RNF121: variants seen among roughly 807,000 people sequenced by gnomAD.
RNF121 encodes the protein ring finger protein 121, also known as E3 ubiquitin ligase RNF121.
RNF121 carries 21 observed loss-of-function variants against 46.5 expected under a neutral mutation model. That is an observed-to-expected ratio of 0.45 (90% CI 0.32 to 0.65). The LOEUF is 0.65. RNF121 is among the 30% of genes least tolerant of loss of function. The pLI is 0.04. For missense variants in RNF121, 346 were observed against 416.0 expected, an observed-to-expected ratio of 0.83 and a Z score of 1.46; for synonymous variants, 139 against 144.7, an observed-to-expected ratio of 0.96 and a Z score of 0.28.
chr11:71,939,966 G>A lies in RNF121; in HGVS notation c.63+10842G>A, dbSNP rs1035272260. 2.0e-5 allele frequency among the ~76,000 whole-genome samples: 3 copies of A among 152,322 alleles called. No individual in the cohort carries two copies. The South Asian group carries it at 6.2e-4, about 32-fold the overall frequency. Reference sequence around the variant, plus strand: ...AAATTACGTACAAGATGCCACAAGTGTACAGAAGAAGGAGTGCTTAAGTCT... The same window carrying A: ...AAATTACGTACAAGATGCCACAAGTATACAGAAGAAGGAGTGCTTAAGTCT... On this transcript the variant is annotated intron_variant, in intron 1 of 8. Coordinates refer to ENST00000361756, the MANE Select transcript of RNF121 (RefSeq NM_018320.5).
At chr11:71,947,840 T>C (rs1375905472) in intron 1 of RNF121, among the ~76,000 whole-genome samples, 1 of 152,216 alleles carries the variant, frequency 6.6e-6, no homozygotes, top group Non-Finnish European at 1.5e-5. Flanking sequence ...GGGGAGATCA[T>C]TTTGGAGGCC....
At position 71,990,717 on chromosome 11, in the gene RNF121, G is replaced by A. The variant is rs35844388; in HGVS notation, c.627G>A (p.Gly209=). 0.03 allele frequency: 48,315 copies of A among 1,613,564 alleles called. 813 individuals are homozygous for A. The highest frequency in any genetic ancestry group is 0.065 in the East Asian group (2,900 of 44,868). Residue 209 remains glycine (G), a splice_region_variant and synonymous_variant, in exon 6 of 9, where the codon GGG becomes GGA. Coordinates refer to ENST00000361756, the MANE Select transcript of RNF121 (RefSeq NM_018320.5). ...MCADYMASTI[G]FYSESGMPTK... is the part of the protein sequence containing the mutation. Reference sequence around the variant, plus strand: ...CAGACTACATGGCATCTACCATAGGGGTAAGTTCATCCGGGTTCTTAAATA... The same window carrying A: ...CAGACTACATGGCATCTACCATAGGAGTAAGTTCATCCGGGTTCTTAAATA...
At chr11:71,954,858 T>C (rs568989133) in intron 1 of RNF121, among the ~76,000 whole-genome samples, 1 of 152,350 alleles carries the variant, frequency 6.6e-6, no homozygotes, top group Non-Finnish European at 1.5e-5. Flanking sequence ...GTTTACTCTG[T>C]ACAATTTAAG....
intron 1 of RNF121, chr11:71,938,560 C>T (rs550613219): frequency 1.3e-5 from 2 of 152,284 alleles, no homozygotes; most frequent in East Asian, 3.9e-4. Flanking sequence ...CTCAGGTGAT[C>T]CGCCTGCTTC....
rs535881615 is a variant in RNF121, at chr11:71,960,760, G to T, written c.112G>T (p.Ala38Ser). ...GTGTTTGGCTTTCAGGGTCGAGCAC[G>T]CACGCATGCATGCCAAGCACCGTGG... is the stretch of plus-strand genomic sequence containing the variant. ...SPEEQWRVEH[A>S]RMHAKHRGHE... The change falls in exon 3 of 9, where the codon GCA becomes TCA. Residue 38 changes from alanine to serine, a missense_variant. Around this residue, in one of 2 missense-constraint regions of RNF121, gnomAD observed 286 missense variants for 383.8 expected, o/e 0.75. Coordinates refer to ENST00000361756, the MANE Select transcript of RNF121 (RefSeq NM_018320.5). The T allele has an allele frequency of 6.2e-7, 1 of 1,613,684 alleles. No homozygotes were observed. Among genetic ancestry groups the T allele is most frequent in the Non-Finnish European group, 8.5e-7 (1 of 1,179,740 alleles).
At chr11:71,952,784 G>A (rs1023667078) in intron 1 of RNF121, among the ~76,000 whole-genome samples, 2 of 150,622 alleles carry the variant, frequency 1.3e-5, no homozygotes, top group African/African-American at 4.9e-5. Flanking sequence ...CTCTAGCTGG[G>A]GCGATAGAGC....
In RNF121 at chr11:71,986,785, A is replaced by G. The variant is rs543902429; in HGVS notation, c.399-219A>G. On this transcript the variant is annotated intron_variant, in intron 4 of 8. Coordinates refer to ENST00000361756, the MANE Select transcript of RNF121 (RefSeq NM_018320.5). ...CTCTCATCTCAAAAAAAAAAAAAAA[A>G]AAAAGAAAAAAAATACAAAGCCCTA... Among the ~76,000 whole-genome samples the G allele has an allele frequency of 8.4e-3, 1,267 of 151,678 alleles. 9 individuals are homozygous for G. Among genetic ancestry groups the G allele is most frequent in the Middle Eastern group, 0.031 (9 of 292 alleles).
chr11:71,948,513 CAAAAAAAAAAAAA>C (rs55762433), intron 1 of RNF121, among the ~76,000 whole-genome samples: 48 of 35,380 alleles, frequency 1.4e-3, no homozygotes, highest in Middle Eastern at 0.023. Flanking sequence ...AAACTGTCTC[CAAAAAAAAAAAAA>C]AAAAAAAAAA....
At chr11:71,940,708 AT>A (rs1468088063) in intron 1 of RNF121, among the ~76,000 whole-genome samples, 1 of 152,192 alleles carries the variant, frequency 6.6e-6, no homozygotes, top group Non-Finnish European at 1.5e-5. Flanking sequence ...CTCTCACGAG[AT>A]TAATAGTCCT....
chr11:71,962,312 C>T, intron 3 of RNF121: 1 of 982,764 alleles, frequency 1.0e-6, no homozygotes. Flanking sequence ...ATATGCACTG[C>T]AGTAATTTTC....
At chr11:71,961,985 T>G (rs1819705717) in intron 3 of RNF121, among the ~76,000 whole-genome samples, 1 of 151,480 alleles carries the variant, frequency 6.6e-6, no homozygotes, top group African/African-American at 2.4e-5. Context: ...TTTTTTTTTT[T>G]GAGACAGAGT....
intron 3 of RNF121, among the ~76,000 whole-genome samples, chr11:71,970,518 T>C (rs1954399176): frequency 6.6e-6 from 1 of 152,024 alleles, no homozygotes; most frequent in African/African-American, 2.4e-5. Context: ...AAAAATTAGC[T>C]GACTGTGGTG....
At chr11:71,946,754 C>A (rs1953731723) in intron 1 of RNF121, among the ~76,000 whole-genome samples, 1 of 151,316 alleles carries the variant, frequency 6.6e-6, no homozygotes. Flanking sequence ...CCTCTGTTAC[C>A]CAGGCTGGAG....
chr11:71,934,894 A>C (rs937885768), intron 1 of RNF121, among the ~76,000 whole-genome samples: 1 of 150,684 alleles, frequency 6.6e-6, no homozygotes, highest in Non-Finnish European at 1.5e-5. Flanking sequence ...AATAATACAG[A>C]TTACTTATTC....
rs991768638 is a variant in RNF121, at chr11:71,942,800, A to G, written c.63+13676A>G. ...TATATATATATATATAGATATATAT[A>G]TGTACACACACACACACACACACAT... is the stretch of plus-strand genomic sequence containing the variant. On this transcript the variant is annotated intron_variant, in intron 1 of 8. Transcript: ENST00000361756. Among the ~76,000 whole-genome samples, 5 of 36,888 alleles carry G rather than the reference A, an allele frequency of 1.4e-4. No homozygotes were observed. The East Asian group carries it at 1.5e-3, about 11-fold the overall frequency. The allele number at this position is 36,888 out of a possible 152,430, so 24.2% of individuals were successfully genotyped here. A position where few individuals can be genotyped will look rare whatever the true frequency, so the allele number is the denominator to read the frequency against.
At chr11:71,963,448 C>T (rs999020035) in intron 3 of RNF121, among the ~76,000 whole-genome samples, 1 of 151,998 alleles carries the variant, frequency 6.6e-6, no homozygotes, top group African/African-American at 2.4e-5. Flanking sequence ...TGGTGAAACC[C>T]CGTCTCTAAT....
intron 1 of RNF121, among the ~76,000 whole-genome samples, chr11:71,951,573 C>T (rs79174393): frequency 0.045 from 6,597 of 146,174 alleles, 223 homozygotes; most frequent in Non-Finnish European, 0.068. Flanking sequence ...CTCTAATGTA[C>T]AATGATCATG....
chr11:71,948,983 T>C (rs182400336), intron 1 of RNF121, among the ~76,000 whole-genome samples: 237 of 152,346 alleles, frequency 1.6e-3, no homozygotes, highest in Non-Finnish European at 2.9e-3. Flanking sequence ...TCTCTGGGGC[T>C]TACACAGCAT....
intron 4 of RNF121, among the ~76,000 whole-genome samples, chr11:71,984,502 G>C (rs770433991): frequency 6.6e-6 from 1 of 151,678 alleles, no homozygotes; most frequent in Non-Finnish European, 1.5e-5. Flanking sequence ...AGGATGTCTC[G>C]ATCTCCTGAC....
Sources: allele counts gnomAD v4.1 joint callset (sites outside exome capture counted in the v4.1 genomes callset), GRCh38; gene constraint gnomAD v4.1.1; regional missense constraint gnomAD v4.1.1; transcripts MANE v1.5; gene names NCBI Gene and HGNC (gene_info 2026-07-23, HGNC 2026-07-21).